The following FAM81B variants were observed in gnomAD, a reference collection of about 807,000 sequenced individuals.
FAM81B encodes the protein family with sequence similarity 81 member B, also known as protein FAM81B.
Under a neutral mutation model 58.7 loss-of-function variants are expected in FAM81B, and 60 were observed. That is an observed-to-expected ratio of 1.02 (90% confidence interval 0.83 to 1.27). The LOEUF (loss-of-function observed/expected upper bound fraction) is 1.27, where lower values mean the gene tolerates loss of function less well. Ranked by LOEUF, FAM81B falls within the 50% of genes most tolerant of loss-of-function variation. FAM81B has a pLI of 0.00. For synonymous variants in FAM81B, 189 were observed against 179.6 expected (o/e 1.05, Z -0.42); for missense variants, 491 against 522.0 (o/e 0.94, Z 0.58).
chr5:95,450,301 T>G lies in FAM81B; in HGVS notation c.*19T>G, dbSNP rs771389119. On this transcript the variant is annotated 3_prime_UTR_variant, in exon 10 of 10. Coordinates refer to ENST00000283357, the MANE Select transcript of FAM81B (RefSeq NM_152548.3). ...AGTATAAACCTTTTCAGTCATCTTC[T>G]TTTTCATCAGCCAATGGAGTGATTT... The G allele has an allele frequency of 6.2e-7, 1 of 1,608,850 alleles. No homozygotes were observed. Among genetic ancestry groups the G allele is most frequent in the African/African-American group, 1.3e-5 (1 of 74,546 alleles).
intron 7 of FAM81B, among the ~76,000 whole-genome samples, chr5:95,443,512 A>G (rs534238147): frequency 1.6e-4 from 24 of 152,246 alleles, no homozygotes; most frequent in African/African-American, 4.1e-4. Flanking sequence ...GAAATAGAAG[A>G]TTTGGGATCT....
At chr5:95,423,844 A>T (rs1008555765) in intron 5 of FAM81B, among the ~76,000 whole-genome samples, 3 of 152,272 alleles carry the variant, frequency 2.0e-5, no homozygotes, top group South Asian at 2.1e-4. Context: ...TCCTTCTCAG[A>T]TTTAAACATA....
chr5:95,446,727 G>A (rs778510249), intron 8 of FAM81B, 30 bp downstream of exon 8: 1 of 1,607,546 alleles, frequency 6.2e-7, no homozygotes, highest in South Asian at 1.1e-5. Context: ...TGTGAAGCAA[G>A]CACCTGCATA....
In FAM81B at chr5:95,443,096, G is replaced by A. The variant is rs1372800275; in HGVS notation, c.894-3466G>A. Among the ~76,000 whole-genome samples the A allele has an allele frequency of 2.0e-5, 3 of 152,172 alleles. No individual in the cohort carries two copies. In the East Asian group the frequency reaches 5.8e-4, roughly 29 times the overall value. On this transcript the variant is annotated intron_variant, in intron 7 of 9. Transcript: ENST00000283357. ...CAGATTTTTTTTAACACAAGACATTGGTTTTGGGACATAAGTGTAGTGGCA... is the reference window on the plus strand; with the variant it reads ...CAGATTTTTTTTAACACAAGACATTAGTTTTGGGACATAAGTGTAGTGGCA...
chr5:95,436,429 A>T (rs1018857357), intron 6 of FAM81B, among the ~76,000 whole-genome samples: 1 of 152,230 alleles, frequency 6.6e-6, no homozygotes. Flanking sequence ...ATAGCATACC[A>T]TATCTTGTAT....
chr5:95,446,072 C>T (rs755663164), intron 7 of FAM81B, among the ~76,000 whole-genome samples: 1 of 152,210 alleles, frequency 6.6e-6, no homozygotes, highest in Non-Finnish European at 1.5e-5. Flanking sequence ...TCTGTGGCTG[C>T]TTTCCCACTG....
chr5:95,418,824 AT>A (rs544950260), intron 4 of FAM81B, among the ~76,000 whole-genome samples: 1 of 151,922 alleles, frequency 6.6e-6, no homozygotes, highest in Non-Finnish European at 1.5e-5. Flanking sequence ...TTTTAGATCT[AT>A]TTTTTTCTGA....
In FAM81B at chr5:95,446,685, A is replaced by G. The variant is rs1370257184; in HGVS notation, c.1017A>G (p.Leu339=). The G allele has an allele frequency of 6.2e-7, 1 of 1,611,204 alleles. No homozygotes were observed. Among genetic ancestry groups the G allele is most frequent in the Non-Finnish European group, 8.5e-7 (1 of 1,179,330 alleles). The stretch of plus-strand genomic sequence containing the variant: ...ATATAAATGAATGTCTGAAGGTCCT[A>G]CAGGAGAAACTGGTGAGGAGTTCTG... ...LGHINECLKV[L]QEKLEKSENK... The change falls in exon 8 of 10, where the codon CTA becomes CTG. Residue 339 remains leucine, a synonymous_variant. Coordinates refer to ENST00000283357, the MANE Select transcript of FAM81B (RefSeq NM_152548.3).
chr5:95,446,187 C>T (rs1745549597), intron 7 of FAM81B, among the ~76,000 whole-genome samples: 1 of 152,146 alleles, frequency 6.6e-6, no homozygotes, highest in African/African-American at 2.4e-5. Context: ...GTAATAATCC[C>T]CACCACAAGG....
Position 95,440,219 on chromosome 5 carries a change from C to T in FAM81B, c.893+3313C>T, listed in dbSNP as rs187933698. The T allele has an allele frequency of 5.1e-3, 3,337 of 659,142 alleles. 15 individuals carry two copies. The highest frequency in any genetic ancestry group is 7.0e-3 in the Non-Finnish European group (2,424 of 343,884). 40.8% of individuals were successfully genotyped at this position (659,142 alleles called of 1,614,324 possible). ...AACAAGAAGCTATTGACTGGCTTCT[C>T]GGTCTAGCTGTGAGGCTTGAATATG... is the stretch of plus-strand genomic sequence containing the variant. On this transcript the variant is annotated intron_variant, in intron 7 of 9. Coordinates refer to ENST00000283357, the MANE Select transcript of FAM81B (RefSeq NM_152548.3).
intron 8 of FAM81B, among the ~76,000 whole-genome samples, chr5:95,447,932 G>A (rs753348149): frequency 6.6e-6 from 1 of 152,152 alleles, no homozygotes; most frequent in Non-Finnish European, 1.5e-5. Flanking sequence ...CTGTCCACGT[G>A]GAGGTATGAA....
intron 7 of FAM81B, chr5:95,440,135 C>T: frequency 1.8e-6 from 1 of 568,024 alleles, no homozygotes; most frequent in Non-Finnish European, 3.4e-6. Flanking sequence ...CAGAGACTGG[C>T]ACAAGTTCTT....
chr5:95,440,445 G>A (rs919808785), intron 7 of FAM81B: 1 of 645,330 alleles, frequency 1.5e-6, no homozygotes, highest in African/African-American at 1.8e-5. Context: ...TTTGGTTCAG[G>A]AGCACCTGAC....
At chr5:95,416,523 C>T (rs1762543099) in intron 4 of FAM81B, among the ~76,000 whole-genome samples, 1 of 151,992 alleles carries the variant, frequency 6.6e-6, no homozygotes, top group South Asian at 2.1e-4. Flanking sequence ...AATACTTGTT[C>T]ATCATAATTA....
chr5:95,426,318 G>A (rs922494531), intron 5 of FAM81B, among the ~76,000 whole-genome samples: 2 of 152,052 alleles, frequency 1.3e-5, no homozygotes, highest in African/African-American at 4.8e-5. Context: ...AGGAGGAGGA[G>A]GCAGAGGAAC....
intron 8 of FAM81B, among the ~76,000 whole-genome samples, chr5:95,447,360 C>T (rs112830051): frequency 6.6e-6 from 1 of 152,192 alleles, no homozygotes; most frequent in Non-Finnish European, 1.5e-5. Flanking sequence ...GAAATAATGT[C>T]CCCAGCTCCA....
intron 3 of FAM81B, among the ~76,000 whole-genome samples, chr5:95,410,512 T>C (rs1762378658): frequency 6.6e-6 from 1 of 152,370 alleles, no homozygotes; most frequent in South Asian, 2.1e-4. Flanking sequence ...TCTGTCACTA[T>C]TGGCCTAAAG....
At chr5:95,433,027 C>T (rs1744960920) in intron 6 of FAM81B, among the ~76,000 whole-genome samples, 1 of 152,102 alleles carries the variant, frequency 6.6e-6, no homozygotes, top group African/African-American at 2.4e-5. Context: ...CATTCTTCTT[C>T]CTTATATCCC....
At chr5:95,446,093 T>C (rs1279512947) in intron 7 of FAM81B, among the ~76,000 whole-genome samples, 7 of 152,336 alleles carry the variant, frequency 4.6e-5, no homozygotes, top group African/African-American at 9.6e-5. Context: ...CAATGGAGCA[T>C]TGAGTGGTTG....
Sources: gnomAD v4.1 joint callset for allele counts (sites outside exome capture counted in the v4.1 genomes callset) on GRCh38, gnomAD v4.1.1 for gene constraint, MANE v1.5 for transcripts, NCBI Gene and HGNC (gene_info 2026-07-23, HGNC 2026-07-21) for gene names.